NFASC: variants seen among roughly 807,000 people sequenced by gnomAD.
The protein encoded by NFASC is neurofascin homolog.
In NFASC, 43 loss-of-function variants were observed where a neutral mutation model predicts 147.5. That is an observed-to-expected ratio of 0.29 (90% CI 0.23 to 0.38). NFASC has a LOEUF of 0.38. Among genes scored for constraint, NFASC ranks in the 10% least tolerant of loss-of-function variants. The pLI, the probability that NFASC is intolerant of heterozygous loss-of-function variation, is 1.00. For synonymous variants in NFASC, 622 were observed against 665.5 expected, an observed-to-expected ratio of 0.93 and a Z score of 1.01; for missense variants, 1,320 against 1,689.0, an observed-to-expected ratio of 0.78 and a Z score of 3.83.
intron 1 of NFASC, chr1:204,870,542 A>T: frequency 2.7e-6 from 1 of 364,208 alleles, no homozygotes; most frequent in Non-Finnish European, 3.9e-6. Context: ...TCTGCTCCCC[A>T]CCCCACCCCC....
chr1:204,938,544 C>A (rs766989930), intron 2 of NFASC, among the ~76,000 whole-genome samples: 1 of 152,150 alleles, frequency 6.6e-6, no homozygotes, highest in African/African-American at 2.4e-5. Context: ...ACCCTGCCGC[C>A]GGCTCCCATA....
chr1:204,901,622 C>T (rs898960139), intron 1 of NFASC, among the ~76,000 whole-genome samples: 1 of 152,040 alleles, frequency 6.6e-6, no homozygotes, highest in Non-Finnish European at 1.5e-5. Flanking sequence ...AAATTATAAG[C>T]CATAAATGTG....
intron 10 of NFASC, among the ~76,000 whole-genome samples, chr1:204,969,224 G>A (rs2095115228): frequency 6.6e-6 from 1 of 152,136 alleles, no homozygotes; most frequent in African/African-American, 2.4e-5. Flanking sequence ...ACTCTCCTTG[G>A]TGCCAGCGCT....
chr1:204,947,350 C>T (rs1029206296), intron 3 of NFASC, among the ~76,000 whole-genome samples: 17 of 152,190 alleles, frequency 1.1e-4, no homozygotes, highest in African/African-American at 3.4e-4. Flanking sequence ...GAGCTGAGCC[C>T]ACCCTCCATC....
intron 1 of NFASC, among the ~76,000 whole-genome samples, chr1:204,887,423 C>T (rs1558581339): frequency 6.6e-6 from 1 of 151,956 alleles, no homozygotes. Context: ...GGGTTGTTTC[C>T]ACCTTTTAGC....
At position 204,995,315 on chromosome 1, in the gene NFASC, A is replaced by AGTGTGTGTGTGTGT. The variant is rs60921990; in HGVS notation, c.2783-1830_2783-1817dup. On this transcript the variant is annotated intron_variant, in intron 24 of 29. Transcript: ENST00000339876. ...GCTTTCCCATGTATGATGTGTGCAC[A>AGTGTGTGTGTGTGT]GTGTGTGTGTGTGTGTGTGTGTGTG... Among the ~76,000 whole-genome samples, 188 of 140,876 alleles carry AGTGTGTGTGTGTGT rather than the reference A, an allele frequency of 1.3e-3. No homozygotes were observed. The Middle Eastern group carries it at 0.014, about 11-fold the overall frequency. 92.4% of individuals were successfully genotyped at this position (140,876 alleles called of 152,430 possible).
At chr1:204,929,950 C>T (rs896139308) in intron 2 of NFASC, among the ~76,000 whole-genome samples, 1 of 152,144 alleles carries the variant, frequency 6.6e-6, no homozygotes, top group African/African-American at 2.4e-5. Flanking sequence ...ATCGTTCCTT[C>T]CTTGGCATGG....
chr1:204,969,194 T>C (rs1274824642), intron 10 of NFASC, among the ~76,000 whole-genome samples: 1 of 151,952 alleles, frequency 6.6e-6, no homozygotes, highest in Non-Finnish European at 1.5e-5. Context: ...GTTAAGGAGA[T>C]CCACCCTGGC....
Position 205,001,174 on chromosome 1 carries a change from T to C in NFASC, c.3024T>C (p.Pro1008=), listed in dbSNP as rs4951151. Residue 1008 remains proline (P), a synonymous_variant, in exon 26 of 30, where the codon CCT becomes CCC. Transcript: ENST00000339876. The stretch of plus-strand genomic sequence containing the variant: ...CTTTTCTAACCCGTCCACCAGCCCC[T>C]GATGAGCAGTCCATATGGAACGTCA... ...TSGTKIHESA[P]DEQSIWNVTV... is the part of the protein sequence containing the mutation. 398,999 of 1,597,614 alleles carry C rather than the reference T, an allele frequency of 0.25. 51,087 individuals carry two copies. The highest frequency in any genetic ancestry group is 0.3 in the South Asian group (26,921 of 89,326).
chr1:204,970,814 C>T (rs1386383585), intron 11 of NFASC, 67 bp downstream of exon 11: 13 of 1,593,874 alleles, frequency 8.2e-6, no homozygotes, highest in Middle Eastern at 1.7e-4. Flanking sequence ...AGATCCCCAT[C>T]ACTGTAGCCA....
chr1:204,969,073 A>T (rs2095104869), intron 10 of NFASC, 91 bp downstream of exon 10: 3 of 1,183,316 alleles, frequency 2.5e-6, no homozygotes, highest in Middle Eastern at 2.8e-4. Context: ...GGGCAGAGTG[A>T]GTCGGAGAGA....
At chr1:204,930,560 C>T (rs1034525395) in intron 2 of NFASC, among the ~76,000 whole-genome samples, 3 of 152,142 alleles carry the variant, frequency 2.0e-5, no homozygotes, top group Non-Finnish European at 4.4e-5. Context: ...GGACTCTGAG[C>T]TTAACATCAG....
At chr1:204,840,933 C>T (rs1018611925) in intron 1 of NFASC, among the ~76,000 whole-genome samples, 3 of 152,226 alleles carry the variant, frequency 2.0e-5, no homozygotes, top group Admixed American at 6.5e-5. Context: ...CTAATGCCCA[C>T]TTAATAGGGT....
At chr1:204,864,030 C>T (rs2076916219) in intron 1 of NFASC, among the ~76,000 whole-genome samples, 1 of 152,122 alleles carries the variant, frequency 6.6e-6, no homozygotes, top group African/African-American at 2.4e-5. Flanking sequence ...TTCCTATTAT[C>T]TACTCCTCCC....
At chr1:204,891,227 C>T (rs187254260) in intron 1 of NFASC, among the ~76,000 whole-genome samples, 3 of 152,126 alleles carry the variant, frequency 2.0e-5, no homozygotes, top group Non-Finnish European at 4.4e-5. Flanking sequence ...AGTGAAGGAA[C>T]AGGCAAGAAG....
At position 204,944,391 on chromosome 1, in the gene NFASC, G is replaced by A. The variant is rs1313443406; in HGVS notation, c.76G>A (p.Glu26Lys). Residue 26 changes from glutamate to lysine, a missense_variant, in exon 3 of 30, where the codon GAA (glutamate) becomes AAA (lysine). Glu to Lys is a moderately conservative substitution (Grantham distance 56). Around this residue, in one of 3 missense-constraint regions of NFASC, gnomAD observed 981 missense variants for 1,289.5 expected, o/e 0.76. Transcript: ENST00000339876. ...LCLLSLGGAI[E>K]IPMDPSIQNE... Reference sequence around the variant, plus strand: ...CCTCCTCAGTCTTGGCGGAGCCATCGAAATTCCTATGGATCGTGAGTCCTG... The same window carrying A: ...CCTCCTCAGTCTTGGCGGAGCCATCAAAATTCCTATGGATCGTGAGTCCTG... 2.4e-5 allele frequency: 34 copies of A among 1,432,044 alleles called. No individual in the cohort carries two copies. Among genetic ancestry groups the A allele is most frequent in the African/African-American group, 1.7e-4 (12 of 68,942 alleles). The allele number at this position is 1,432,044 out of a possible 1,614,324, so 88.7% of individuals were successfully genotyped here. A position where few individuals can be genotyped will look rare whatever the true frequency, so the allele number is the denominator to read the frequency against.
chr1:204,878,687 C>T (rs2079521872), intron 1 of NFASC, among the ~76,000 whole-genome samples: 1 of 152,224 alleles, frequency 6.6e-6, no homozygotes, highest in African/African-American at 2.4e-5. Context: ...TTGTTTCATC[C>T]AGCGGATTCT....
chr1:204,871,188 A>C, intron 1 of NFASC: 4 of 974,000 alleles, frequency 4.1e-6, no homozygotes, highest in Non-Finnish European at 4.2e-6. Context: ...TTTCCCAACA[A>C]AGCTAAGACT....
chr1:204,997,796 C>A, intron 25 of NFASC: 1 of 327,984 alleles, frequency 3.0e-6, no homozygotes, highest in South Asian at 2.9e-5. Flanking sequence ...AGGAAGACAG[C>A]GTGAGGAGGG....
Sources: gnomAD v4.1 joint callset for allele counts (sites outside exome capture counted in the v4.1 genomes callset) on GRCh38, gnomAD v4.1.1 for gene constraint, gnomAD v4.1.1 regional missense constraint, MANE v1.5 for transcripts, NCBI Gene and HGNC (gene_info 2026-07-23, HGNC 2026-07-21) for gene names.